HECW1: variants seen among roughly 807,000 people sequenced by gnomAD.
HECW1 encodes the protein E3 ubiquitin-protein ligase HECW1.
A neutral mutation model predicts 182.3 loss-of-function variants in HECW1; 61 were observed. That is an observed-to-expected ratio of 0.33 (90% CI 0.27 to 0.41). HECW1 has a LOEUF of 0.41. Among genes scored for constraint, HECW1 ranks in the 10% least tolerant of loss-of-function variants. HECW1 has a pLI of 1.00. For missense variants in HECW1, 1,739 were observed against 2,108.9 expected (o/e 0.82, Z 3.44); for synonymous variants, 859 against 832.6 (o/e 1.03, Z -0.55).
At chr7:43,378,891 C>CA (rs1217944488) in intron 6 of HECW1, among the ~76,000 whole-genome samples, 2 of 151,852 alleles carry the variant, frequency 1.3e-5, no homozygotes, top group Admixed American at 6.6e-5. Flanking sequence ...AAGACTGTCT[C>CA]AAAAAACAAA....
intron 4 of HECW1, among the ~76,000 whole-genome samples, chr7:43,317,371 T>C (rs1404063441): frequency 6.6e-6 from 1 of 152,238 alleles, no homozygotes. Context: ...AGTTTTCATA[T>C]TCAGCAGGTC....
chr7:43,357,111 C>T (rs1025005813), intron 5 of HECW1, among the ~76,000 whole-genome samples: 1 of 152,028 alleles, frequency 6.6e-6, no homozygotes, highest in Non-Finnish European at 1.5e-5. Flanking sequence ...AAAGGGGAGC[C>T]CTCATACACT....
At chr7:43,245,000 C>T (rs778809462) in intron 3 of HECW1, among the ~76,000 whole-genome samples, 1 of 152,232 alleles carries the variant, frequency 6.6e-6, no homozygotes, top group Non-Finnish European at 1.5e-5. Context: ...GGCCCTGCTG[C>T]CTACTCATGC....
At chr7:43,195,910 C>A (rs934439410) in intron 2 of HECW1, among the ~76,000 whole-genome samples, 2 of 152,230 alleles carry the variant, frequency 1.3e-5, no homozygotes, top group East Asian at 3.9e-4. Context: ...ATTCCCAGAA[C>A]TGTCACGGGG....
chr7:43,181,042 CTCT>C (rs1792812773), intron 2 of HECW1, among the ~76,000 whole-genome samples: 1 of 151,986 alleles, frequency 6.6e-6, no homozygotes, highest in Non-Finnish European at 1.5e-5. Flanking sequence ...CTATTCTACT[CTCT>C]TCTTCTATGA....
At chr7:43,319,357 G>A (rs563626122) in intron 4 of HECW1, among the ~76,000 whole-genome samples, 6 of 139,512 alleles carry the variant, frequency 4.3e-5, no homozygotes, top group African/African-American at 1.3e-4. Context: ...ACTGGAGTCC[G>A]CAGTCCGGCC....
At chr7:43,543,848 AACAGGCAAAATAC>A (rs1398252391) in intron 26 of HECW1, among the ~76,000 whole-genome samples, 2 of 152,104 alleles carry the variant, frequency 1.3e-5, no homozygotes, top group African/African-American at 4.8e-5. Flanking sequence ...GTACTCACTG[AACAGGCAAAATAC>A]ACTGTTCTCT....
At chr7:43,174,609 A>C (rs949843923) in intron 2 of HECW1, among the ~76,000 whole-genome samples, 8 of 152,300 alleles carry the variant, frequency 5.3e-5, no homozygotes, top group African/African-American at 1.7e-4. Context: ...CACCACGTCA[A>C]AGCTTCACTA....
At chr7:43,262,771 A>G (rs916422695) in intron 3 of HECW1, among the ~76,000 whole-genome samples, 1 of 152,196 alleles carries the variant, frequency 6.6e-6, no homozygotes, top group Non-Finnish European at 1.5e-5. Flanking sequence ...GAGATGTTCT[A>G]TAAGTAAAGT....
chr7:43,524,569 G>A (rs2080683417), intron 24 of HECW1, among the ~76,000 whole-genome samples: 1 of 152,192 alleles, frequency 6.6e-6, no homozygotes, highest in African/African-American at 2.4e-5. Context: ...CATCTTCAAA[G>A]AACCTATTAA....
chr7:43,289,103 T>C, intron 3 of HECW1, among the ~76,000 whole-genome samples: 1 of 123,514 alleles, frequency 8.1e-6, no homozygotes, highest in East Asian at 2.1e-4. Flanking sequence ...CACTTTCTCT[T>C]TTCTTTTTTT....
At chr7:43,474,178 G>T (rs1272414265) in intron 16 of HECW1, among the ~76,000 whole-genome samples, 1 of 152,312 alleles carries the variant, frequency 6.6e-6, no homozygotes, top group Admixed American at 6.5e-5. Flanking sequence ...GGCCAGGCGC[G>T]GTGGCTCACG....
In HECW1 at chr7:43,340,557, G is replaced by T. The variant is rs139152317; in HGVS notation, c.460+19815G>T. Among the ~76,000 whole-genome samples the T allele has an allele frequency of 3.3e-3, 498 of 151,530 alleles. 22 individuals carry two copies. Among genetic ancestry groups the T allele is most frequent in the African/African-American group, 0.011 (463 of 40,972 alleles). ...TTGAACTGTGCAAGCAATAGCCCCA[G>T]GGATCAAAAACTCTGTCTGGGGGTG... On this transcript the variant is annotated intron_variant, in intron 5 of 29. Transcript: ENST00000395891.
intron 2 of HECW1, among the ~76,000 whole-genome samples, chr7:43,188,939 C>T (rs1012551971): frequency 6.6e-6 from 1 of 152,288 alleles, no homozygotes; most frequent in East Asian, 1.9e-4. Flanking sequence ...TTTTAAACAG[C>T]CTACATTTAA....
intron 7 of HECW1, among the ~76,000 whole-genome samples, chr7:43,401,235 G>A (rs531113980): frequency 9.6e-4 from 146 of 152,268 alleles, no homozygotes; most frequent in African/African-American, 3.3e-3. Flanking sequence ...AGAATTAAAA[G>A]CCTTCAAAAG....
chr7:43,267,985 A>C (rs972748122), intron 3 of HECW1, among the ~76,000 whole-genome samples: 1 of 150,830 alleles, frequency 6.6e-6, no homozygotes, highest in Non-Finnish European at 1.5e-5. Flanking sequence ...AGCAGTACAA[A>C]ATTCACCTGA....
chr7:43,146,589 A>G (rs748402584), intron 2 of HECW1, among the ~76,000 whole-genome samples: 12 of 152,264 alleles, frequency 7.9e-5, no homozygotes, highest in Non-Finnish European at 2.9e-5. Flanking sequence ...TTGCCCAAGC[A>G]TTACTGTAAC....
intron 3 of HECW1, among the ~76,000 whole-genome samples, chr7:43,256,074 C>T (rs116699904): frequency 2.0e-3 from 308 of 152,310 alleles, no homozygotes; most frequent in African/African-American, 7.2e-3. Context: ...CTCACCATCT[C>T]ACACACCATC....
chr7:43,487,714 T>C (rs1379016469), intron 17 of HECW1, among the ~76,000 whole-genome samples: 1 of 152,100 alleles, frequency 6.6e-6, no homozygotes, highest in Non-Finnish European at 1.5e-5. Context: ...TCCCAGCACT[T>C]TGGGAGGCAG....
Sources: allele counts gnomAD v4.1 joint callset (sites outside exome capture counted in the v4.1 genomes callset), GRCh38; gene constraint gnomAD v4.1.1; transcripts MANE v1.5; gene names NCBI Gene and HGNC (gene_info 2026-07-23, HGNC 2026-07-21).